The following CRTAC1 variants were observed in gnomAD, a reference collection of about 807,000 sequenced individuals.
CRTAC1 encodes cartilage acidic protein 1, also known as acidic secreted protein in cartilage.
Under a neutral mutation model 67.8 loss-of-function variants are expected in CRTAC1, and 37 were observed. That is an observed-to-expected ratio of 0.55 (90% CI 0.42 to 0.72). CRTAC1 has a LOEUF of 0.72. Among genes scored for constraint, CRTAC1 ranks in the 30% least tolerant of loss-of-function variants. CRTAC1 has a pLI of 0.00. For synonymous variants in CRTAC1, 348 were observed against 371.0 expected (o/e 0.94, Z 0.71); for missense variants, 780 against 931.6 (o/e 0.84, Z 2.12).
At chr10:97,966,041 C>A (rs2051610078) in intron 2 of CRTAC1, among the ~76,000 whole-genome samples, 2 of 152,202 alleles carry the variant, frequency 1.3e-5, no homozygotes, top group Middle Eastern at 3.2e-3. Flanking sequence ...TTGACTCAGG[C>A]CAAGGATAGA....
intron 14 of CRTAC1, among the ~76,000 whole-genome samples, chr10:97,872,050 C>T (rs1342884406): frequency 1.3e-5 from 2 of 152,206 alleles, no homozygotes; most frequent in African/African-American, 4.8e-5. Flanking sequence ...GTCCTTTTCC[C>T]TGCTGCCCAC....
rs1429546893 is a variant in CRTAC1, at chr10:97,895,647, A to G, written c.1318-234T>C. Reference sequence around the variant, plus strand: ...AGAGGAGACAAAAGCCGAGGGACTCAGGGCACAGTGTTTGGCAGATAAATG... The same window carrying G: ...AGAGGAGACAAAAGCCGAGGGACTCGGGGCACAGTGTTTGGCAGATAAATG... On this transcript the variant is annotated intron_variant, in intron 10 of 14. Transcript: ENST00000370597. The surrounding 1 kb of genome is among the most constrained non-coding windows in gnomAD (Gnocchi z 4.2). Among the ~76,000 whole-genome samples, 1 of 152,224 alleles carries G rather than the reference A, an allele frequency of 6.6e-6. No individual in the cohort carries two copies. The highest frequency in any genetic ancestry group is 1.5e-5 in the Non-Finnish European group (1 of 68,026).
chr10:97,879,865 T>TGGGGGGGGGCCGGGGGG, intron 14 of CRTAC1: 1 of 226,630 alleles, frequency 4.4e-6, no homozygotes, highest in Non-Finnish European at 8.7e-6. Flanking sequence ...GGGGACGGGG[T>TGGGGGGGGGCCGGGGGG]GGGGGTGGAG....
intron 2 of CRTAC1, among the ~76,000 whole-genome samples, chr10:98,004,430 C>T (rs1842746276): frequency 6.6e-6 from 1 of 152,192 alleles, no homozygotes; most frequent in African/African-American, 2.4e-5. Context: ...GCTTGAATAG[C>T]TGTTGAGCTG....
chr10:97,995,846 GA>G (rs1463742281), intron 2 of CRTAC1, among the ~76,000 whole-genome samples: 14 of 152,088 alleles, frequency 9.2e-5, no homozygotes, highest in Non-Finnish European at 5.9e-5. Context: ...CCTAGAGGTG[GA>G]TACAAATCCT....
intron 2 of CRTAC1, among the ~76,000 whole-genome samples, chr10:97,998,557 T>C (rs983427640): frequency 6.6e-6 from 1 of 152,110 alleles, no homozygotes; most frequent in African/African-American, 2.4e-5. Flanking sequence ...AAAGGTTCTT[T>C]CAAGAATGAA....
intron 2 of CRTAC1, among the ~76,000 whole-genome samples, chr10:97,938,600 G>A (rs959221952): frequency 6.6e-6 from 1 of 152,184 alleles, no homozygotes; most frequent in Non-Finnish European, 1.5e-5. Flanking sequence ...TCTCAGGCCT[G>A]TTCATTTTTC....
chr10:97,926,300 C>T (rs1024275815), intron 3 of CRTAC1, among the ~76,000 whole-genome samples: 1 of 152,188 alleles, frequency 6.6e-6, no homozygotes, highest in Admixed American at 6.5e-5. Flanking sequence ...ACATCTGAGG[C>T]TTGTTAGCTG....
Position 97,895,984 on chromosome 10 carries a change from C to G in CRTAC1, c.1218G>C (p.Gly406=). The change falls in exon 10 of 15, where the codon GGG becomes GGC. Residue 406 remains glycine (G), a splice_region_variant and synonymous_variant. Coordinates refer to ENST00000370597, the MANE Select transcript of CRTAC1 (RefSeq NM_018058.7). The surrounding 1 kb of genome is among the most constrained non-coding windows in gnomAD (Gnocchi z 4.2). The part of the protein sequence containing the change: ...DALEPEGRGT[G]GVVTDFDGDG... Reference sequence around the variant, plus strand: ...CTCCGTCGAAGTCGGTCACCACACCCCCTACAAACAATGCAGATTTCACCT... The same window carrying G: ...CTCCGTCGAAGTCGGTCACCACACCGCCTACAAACAATGCAGATTTCACCT... The G allele has an allele frequency of 6.2e-7, 1 of 1,613,740 alleles. No homozygotes were observed. The highest frequency in any genetic ancestry group is 8.5e-7 in the Non-Finnish European group (1 of 1,179,638).
intron 11 of CRTAC1, among the ~76,000 whole-genome samples, chr10:97,890,009 T>C (rs1223103679): frequency 2.6e-5 from 4 of 151,988 alleles, no homozygotes; most frequent in African/African-American, 9.7e-5. Context: ...TGAGTGTGAG[T>C]GCTGTCTCAC....
At chr10:98,021,097 G>T (rs989045383) in intron 1 of CRTAC1, among the ~76,000 whole-genome samples, 12 of 152,178 alleles carry the variant, frequency 7.9e-5, no homozygotes, top group African/African-American at 2.7e-4. Flanking sequence ...TAGGAAAACA[G>T]CTGAGAACAA....
chr10:97,874,093 C>T (rs1437350103), intron 14 of CRTAC1, among the ~76,000 whole-genome samples: 1 of 152,184 alleles, frequency 6.6e-6, no homozygotes, highest in Admixed American at 6.5e-5. Context: ...CTGGGAGCAG[C>T]CTGGAGCTGA....
intron 2 of CRTAC1, among the ~76,000 whole-genome samples, chr10:97,985,641 G>GTGCACTTTTT (rs1256617666): frequency 1.3e-5 from 2 of 152,162 alleles, no homozygotes; most frequent in African/African-American, 4.8e-5. Flanking sequence ...CATCCCAGAG[G>GTGCACTTTTT]TGCACTTGCC....
At chr10:97,965,952 G>A (rs1395639843) in intron 2 of CRTAC1, among the ~76,000 whole-genome samples, 5 of 152,236 alleles carry the variant, frequency 3.3e-5, no homozygotes, top group African/African-American at 9.6e-5. Flanking sequence ...ATGGGGCAGG[G>A]GAGAGGTGAT....
chr10:97,881,363 C>T (rs1255727934), intron 13 of CRTAC1, among the ~76,000 whole-genome samples: 1 of 152,208 alleles, frequency 6.6e-6, no homozygotes, highest in African/African-American at 2.4e-5. Flanking sequence ...CTTCAGGTCT[C>T]AGCTCAGAGT....
At chr10:98,013,308 G>A (rs563165485) in intron 1 of CRTAC1, among the ~76,000 whole-genome samples, 1 of 152,330 alleles carries the variant, frequency 6.6e-6, no homozygotes, top group Non-Finnish European at 1.5e-5. Context: ...CACCACATCT[G>A]CAATTTGGGT....
At chr10:97,923,551 C>T (rs1440072476) in intron 3 of CRTAC1, 151 bp from the exon 4 acceptor site, 3 of 846,586 alleles carry the variant, frequency 3.5e-6, no homozygotes, top group Non-Finnish European at 5.6e-6. Context: ...GCAGGTGAGA[C>T]TCCTCTGTGT....
intron 7 of CRTAC1, among the ~76,000 whole-genome samples, chr10:97,902,770 C>G (rs76706940): frequency 6.6e-6 from 1 of 152,122 alleles, no homozygotes; most frequent in Admixed American, 6.5e-5. Flanking sequence ...GCTGCAGACC[C>G]TCTTTGGCAG....
At chr10:98,007,176 A>G (rs1842806184) in intron 2 of CRTAC1, among the ~76,000 whole-genome samples, 1 of 152,236 alleles carries the variant, frequency 6.6e-6, no homozygotes, top group African/African-American at 2.4e-5. Flanking sequence ...GGTTCTTGAC[A>G]TAAGTAACTA....
Sources: allele counts gnomAD v4.1 joint callset (sites outside exome capture counted in the v4.1 genomes callset), GRCh38; gene constraint gnomAD v4.1.1; non-coding constraint Gnocchi (gnomAD v3.1); transcripts MANE v1.5; gene names NCBI Gene and HGNC (gene_info 2026-07-23, HGNC 2026-07-21).